Variants in ADAMTS6 observed in about 807,000 individuals in gnomAD.
The protein encoded by ADAMTS6 is A disintegrin and metalloproteinase with thrombospondin motifs 6.
Under a neutral mutation model 144.3 loss-of-function variants are expected in ADAMTS6, and 23 were observed. That is an observed-to-expected ratio of 0.16 (90% CI 0.11 to 0.23). ADAMTS6 has a LOEUF of 0.23. Ranked by LOEUF, ADAMTS6 falls within the 10% of genes least tolerant of loss-of-function variation. The pLI is 1.00. For missense variants in ADAMTS6, 999 were observed against 1,379.6 expected (o/e 0.72, Z 4.37); for synonymous variants, 444 against 457.5 (o/e 0.97, Z 0.38).
rs1561501289 is a variant in ADAMTS6 at position 65,398,784 on chromosome 5, G to GAAAGAAAGAAAGAAAGA, written c.1073+52674_1073+52690dup. On this transcript the variant is annotated intron_variant, in intron 7 of 24. Transcript: ENST00000381055. ...GAGAGAGAGAAAGAAGAGAGAGCAA[G>GAAAGAAAGAAAGAAAGA]AAAGAAAGAAAGAAAGAAAGAAAGA... Among the ~76,000 whole-genome samples the GAAAGAAAGAAAGAAAGA allele has an allele frequency of 5.0e-3, 241 of 48,614 alleles. 12 individuals carry two copies. Among genetic ancestry groups the GAAAGAAAGAAAGAAAGA allele is most frequent in the Non-Finnish European group, 8.6e-3 (161 of 18,676 alleles). 31.9% of individuals were successfully genotyped at this position (48,614 alleles called of 152,430 possible). A position where few individuals can be genotyped will look rare whatever the true frequency, so the allele number is the denominator to read the frequency against.
intron 24 of ADAMTS6, among the ~76,000 whole-genome samples, chr5:65,163,270 T>A (rs1245844635): frequency 1.3e-5 from 2 of 152,142 alleles, no homozygotes; most frequent in African/African-American, 4.8e-5. Context: ...AAAAATACTT[T>A]TGTTTGTTAT....
chr5:65,303,214 G>A (rs563118480), intron 9 of ADAMTS6, among the ~76,000 whole-genome samples: 26 of 152,150 alleles, frequency 1.7e-4, no homozygotes, highest in East Asian at 1.9e-4. Context: ...AGATTCCCAT[G>A]GTTATATTTT....
chr5:65,193,269 T>C (rs879453779), intron 21 of ADAMTS6, among the ~76,000 whole-genome samples: 8 of 151,784 alleles, frequency 5.3e-5, no homozygotes, highest in Non-Finnish European at 1.0e-4. Context: ...ATAAATAACA[T>C]GGAAAATAGA....
At chr5:65,445,482 C>T (rs1174203800) in intron 7 of ADAMTS6, among the ~76,000 whole-genome samples, 2 of 152,118 alleles carry the variant, frequency 1.3e-5, no homozygotes, top group Non-Finnish European at 2.9e-5. Context: ...GGATTACAAG[C>T]GCGTGCCACC....
At chr5:65,215,551 A>G in intron 18 of ADAMTS6, 64 bp from the exon 19 acceptor site, 5 of 1,410,816 alleles carry the variant, frequency 3.5e-6, no homozygotes, top group Non-Finnish European at 9.8e-7. Flanking sequence ...GTCACTGATT[A>G]ATTACTGCAA....
At chr5:65,323,331 T>C (rs969740041) in intron 9 of ADAMTS6, among the ~76,000 whole-genome samples, 8 of 143,954 alleles carry the variant, frequency 5.6e-5, no homozygotes, top group Non-Finnish European at 9.0e-5. Flanking sequence ...GTGTTCTCAT[T>C]GTTCAGTTCC....
intron 3 of ADAMTS6, among the ~76,000 whole-genome samples, chr5:65,460,586 T>G (rs912018359): frequency 4.6e-5 from 7 of 152,188 alleles, no homozygotes; most frequent in African/African-American, 1.7e-4. Context: ...CGTGATTTCC[T>G]CCAATCTCAC....
At chr5:65,440,516 T>C (rs976831248) in intron 7 of ADAMTS6, among the ~76,000 whole-genome samples, 2 of 151,966 alleles carry the variant, frequency 1.3e-5, no homozygotes, top group African/African-American at 4.8e-5. Flanking sequence ...ACAAAGACAG[T>C]TAAAATTTAC....
intron 16 of ADAMTS6, 35 bp from the exon 17 acceptor site, chr5:65,225,082 G>A (rs1436083327): frequency 1.3e-6 from 2 of 1,592,228 alleles, no homozygotes; most frequent in East Asian, 4.5e-5. Context: ...TGTGTCAAGA[G>A]AGAAATTCTT....
At chr5:65,275,353 G>GAGAA (rs71693940) in intron 11 of ADAMTS6, among the ~76,000 whole-genome samples, 5,241 of 87,096 alleles carry the variant, frequency 0.06, 221 homozygotes, top group East Asian at 0.12. Context: ...AAAGAAAGAA[G>GAGAA]AGAAAGAAAG....
intron 11 of ADAMTS6, among the ~76,000 whole-genome samples, chr5:65,280,577 A>G (rs1354185003): frequency 6.6e-6 from 1 of 152,196 alleles, no homozygotes; most frequent in Non-Finnish European, 1.5e-5. Context: ...ACTAGGAAAC[A>G]TTCACACATG....
intron 7 of ADAMTS6, among the ~76,000 whole-genome samples, chr5:65,444,389 C>A (rs1054682703): frequency 1.3e-5 from 2 of 152,044 alleles, no homozygotes; most frequent in African/African-American, 4.8e-5. Context: ...CTATTAAAAC[C>A]AATAAATGAA....
At chr5:65,354,976 T>C (rs1312966784) in intron 7 of ADAMTS6, among the ~76,000 whole-genome samples, 2 of 151,858 alleles carry the variant, frequency 1.3e-5, no homozygotes, top group Non-Finnish European at 3.0e-5. Context: ...TAAATTTTCT[T>C]CATTTGCCAA....
chr5:65,157,424 A>C (rs979132300), intron 24 of ADAMTS6, among the ~76,000 whole-genome samples: 5 of 152,202 alleles, frequency 3.3e-5, no homozygotes, highest in Admixed American at 2.6e-4. Flanking sequence ...AAGTCCTCAA[A>C]TGCAGGGCTT....
intron 7 of ADAMTS6, among the ~76,000 whole-genome samples, chr5:65,420,978 T>C (rs1368696691): frequency 6.6e-6 from 1 of 152,228 alleles, no homozygotes; most frequent in Non-Finnish European, 1.5e-5. Context: ...AATGAGTCTC[T>C]TGAAAAAAGC....
intron 20 of ADAMTS6, chr5:65,210,278 C>T: frequency 6.4e-6 from 1 of 157,164 alleles, no homozygotes; most frequent in Non-Finnish European, 1.4e-5. Context: ...CGGTGAAACC[C>T]CGTCTCTACT....
intron 4 of ADAMTS6, among the ~76,000 whole-genome samples, chr5:65,459,313 T>G (rs1361050058): frequency 1.3e-5 from 2 of 152,206 alleles, no homozygotes; most frequent in Non-Finnish European, 2.9e-5. Context: ...ATGTTATTCT[T>G]CCTGTTTAAA....
chr5:65,329,636 CTG>C lies in ADAMTS6; in HGVS notation c.1118-155_1118-154del, dbSNP rs554208198. 1.1e-4 allele frequency among the ~76,000 whole-genome samples: 16 copies of C among 152,214 alleles called. No homozygotes were observed. The South Asian group carries it at 3.3e-3, about 32-fold the overall frequency. ...AACTTTCTAGTCATTTGCAAAATCA[CTG>C]GGGGGAATTTCACTTTGCCGGCTAG... On this transcript the variant is annotated intron_variant, in intron 8 of 24. Transcript: ENST00000381055.
At chr5:65,194,810 C>T (rs932350520) in intron 21 of ADAMTS6, among the ~76,000 whole-genome samples, 1 of 152,120 alleles carries the variant, frequency 6.6e-6, no homozygotes, top group African/African-American at 2.4e-5. Context: ...TAAGTAACTT[C>T]ACTTCAGAAC....
Sources: allele counts gnomAD v4.1 joint callset (sites outside exome capture counted in the v4.1 genomes callset), GRCh38; gene constraint gnomAD v4.1.1; transcripts MANE v1.5; gene names NCBI Gene and HGNC (gene_info 2026-07-23, HGNC 2026-07-21).